The following GAD2 variants were observed in gnomAD, a reference collection of about 807,000 sequenced individuals.
GAD2 encodes 65 kDa glutamic acid decarboxylase.
Under a neutral mutation model 80.1 loss-of-function variants are expected in GAD2, and 22 were observed. That is an observed-to-expected ratio of 0.27 (90% CI 0.20 to 0.39). The LOEUF (loss-of-function observed/expected upper bound fraction) is 0.39. Ranked by LOEUF, GAD2 falls within the 10% of genes least tolerant of loss-of-function variation. The pLI is 1.00. For synonymous variants in GAD2, 274 were observed against 256.9 expected (o/e 1.07, Z -0.64); for missense variants, 624 against 738.4 (o/e 0.85, Z 1.80).
intron 15 of GAD2, among the ~76,000 whole-genome samples, chr10:26,297,908 A>C (rs895641797): frequency 1.3e-5 from 2 of 152,196 alleles, no homozygotes; most frequent in African/African-American, 2.4e-5. Flanking sequence ...ATGAGTAAAC[A>C]TATATGTAAC....
Position 26,296,060 on chromosome 10 carries a change from G to A in GAD2, c.1584+3069G>A, listed in dbSNP as rs143404379. ...TTCTCACTGTTCTAGAGGCGGGGAA[G>A]TCCAAGATCAAGGTGCCAGTAGATT... On this transcript the variant is annotated intron_variant, in intron 15 of 15. Transcript: ENST00000376261. 1.5e-3 allele frequency among the ~76,000 whole-genome samples: 225 copies of A among 152,226 alleles called. 1 individual carries two copies. Among genetic ancestry groups the A allele is most frequent in the African/African-American group, 5.3e-3 (221 of 41,532 alleles).
intron 6 of GAD2, among the ~76,000 whole-genome samples, chr10:26,228,812 C>T (rs1481502553): frequency 6.6e-6 from 1 of 152,128 alleles, no homozygotes; most frequent in Non-Finnish European, 1.5e-5. Context: ...CCCCACCAGC[C>T]CCCGACCTTC....
chr10:26,298,913 ATTC>A (rs1226071560), intron 15 of GAD2, among the ~76,000 whole-genome samples: 1 of 152,292 alleles, frequency 6.6e-6, no homozygotes, highest in African/African-American at 2.4e-5. Flanking sequence ...AGATATTTTA[ATTC>A]TTCTTCTTAT....
chr10:26,245,303 G>A (rs2132287288), intron 7 of GAD2, among the ~76,000 whole-genome samples: 1 of 152,120 alleles, frequency 6.6e-6, no homozygotes, highest in South Asian at 2.1e-4. Context: ...GTTGATAGGT[G>A]CAGCAAACCA....
At chr10:26,260,824 T>C (rs1589147058) in intron 8 of GAD2, among the ~76,000 whole-genome samples, 1 of 152,332 alleles carries the variant, frequency 6.6e-6, no homozygotes, top group East Asian at 1.9e-4. Flanking sequence ...TGTGTGTCAA[T>C]CTGATGGATG....
At position 26,286,450 on chromosome 10, in the gene GAD2, C is replaced by T. The variant is rs1263303585; in HGVS notation, c.1342C>T (p.Arg448Cys). 3 of 1,613,802 alleles carry T rather than the reference C, an allele frequency of 1.9e-6. No homozygotes were observed. The highest frequency in any genetic ancestry group is 1.7e-6 in the Non-Finnish European group (2 of 1,179,870). Reference protein sequence around the residue: ...DTGDKALQCGRHVDVFKLWLM... With the variant: ...DTGDKALQCGCHVDVFKLWLM... ...TGGAGACAAGGCCTTACAGTGCGGA[C>T]GCCACGTTGATGTTTTTAAACTATG... Residue 448 changes from arginine to cysteine, a missense_variant, in exon 13 of 16, where the codon CGC becomes TGC. Arg to Cys is a radical substitution (Grantham distance 180). Coordinates refer to ENST00000376261, the MANE Select transcript of GAD2 (RefSeq NM_001134366.2).
chr10:26,219,155 T>A lies in GAD2; in HGVS notation c.399T>A (p.Ile133=), dbSNP rs1589135723. ...GTTTCGATAGATCAACCAAAGTGAT[T>A]GATTTCCATTATCCTAATGAGCTTC... ...VKSFDRSTKV[I]DFHYPNELLQ... Residue 133 remains isoleucine, a synonymous_variant, in exon 4 of 16, where the codon ATT becomes ATA. Transcript: ENST00000376261. The A allele has an allele frequency of 6.2e-7, 1 of 1,613,924 alleles. No homozygotes were observed. Among genetic ancestry groups the A allele is most frequent in the Non-Finnish European group, 8.5e-7 (1 of 1,179,946 alleles).
chr10:26,245,522 C>T (rs1354652378), intron 7 of GAD2, among the ~76,000 whole-genome samples: 1 of 151,798 alleles, frequency 6.6e-6, no homozygotes, highest in Non-Finnish European at 1.5e-5. Flanking sequence ...ACTGCAACCT[C>T]CGCCTCCCGA....
chr10:26,296,641 GT>G (rs1214588301), intron 15 of GAD2, among the ~76,000 whole-genome samples: 1 of 152,192 alleles, frequency 6.6e-6, no homozygotes, highest in Non-Finnish European at 1.5e-5. Flanking sequence ...CTGTGCCAAT[GT>G]TTACCAAACA....
chr10:26,221,734 C>A (rs1844454623), intron 4 of GAD2, among the ~76,000 whole-genome samples: 1 of 152,210 alleles, frequency 6.6e-6, no homozygotes, highest in African/African-American at 2.4e-5. Flanking sequence ...CAGGGAGCAT[C>A]CCTGAGTCTG....
chr10:26,291,239 C>A (rs1834211180), intron 13 of GAD2, among the ~76,000 whole-genome samples: 1 of 152,236 alleles, frequency 6.6e-6, no homozygotes. Context: ...CTTCTACCTA[C>A]AGTCCATCCC....
chr10:26,274,644 A>T (rs1390471547), intron 11 of GAD2, among the ~76,000 whole-genome samples: 1 of 152,184 alleles, frequency 6.6e-6, no homozygotes, highest in Non-Finnish European at 1.5e-5. Context: ...AGAGACGCTG[A>T]TGGAGCACAG....
intron 13 of GAD2, among the ~76,000 whole-genome samples, chr10:26,291,388 C>T (rs1834212340): frequency 6.6e-6 from 1 of 152,210 alleles, no homozygotes; most frequent in Admixed American, 6.5e-5. Flanking sequence ...ATCAGGAACC[C>T]ATCAGCCTCC....
At chr10:26,220,165 G>A (rs1589136009) in intron 4 of GAD2, among the ~76,000 whole-genome samples, 1 of 152,108 alleles carries the variant, frequency 6.6e-6, no homozygotes, top group Non-Finnish European at 1.5e-5. Context: ...GATACACGAT[G>A]GCTGACACTT....
chr10:26,281,584 GTCTA>G (rs1030312152), intron 12 of GAD2, among the ~76,000 whole-genome samples: 15 of 152,124 alleles, frequency 9.9e-5, no homozygotes, highest in East Asian at 7.7e-4. Context: ...GATGATTACA[GTCTA>G]TCTATTTAAT....
intron 4 of GAD2, among the ~76,000 whole-genome samples, chr10:26,221,457 T>TA (rs1210355541): frequency 1.3e-5 from 2 of 152,182 alleles, no homozygotes; most frequent in Non-Finnish European, 2.9e-5. Context: ...TTTGCAGAGA[T>TA]CATTAGATTT....
At chr10:26,236,013 C>T (rs1346669458) in intron 7 of GAD2, among the ~76,000 whole-genome samples, 1 of 152,244 alleles carries the variant, frequency 6.6e-6, no homozygotes, top group African/African-American at 2.4e-5. Flanking sequence ...GCCTGGCCCA[C>T]ACCCACATCC....
In GAD2 at chr10:26,302,946, C is replaced by T. The variant is rs1834343182; in HGVS notation, c.*1985C>T. ...CAAAGCATTAGAAAGCAGTTCCTTTCTCAAAACTGCCTGCTGAGAATAAGC... is the reference window on the plus strand; with the variant it reads ...CAAAGCATTAGAAAGCAGTTCCTTTTTCAAAACTGCCTGCTGAGAATAAGC... On this transcript the variant is annotated 3_prime_UTR_variant, in exon 16 of 16. Transcript: ENST00000376261. 6.6e-6 allele frequency: 1 copy of T among 152,204 alleles called. No homozygotes were observed. The highest frequency in any genetic ancestry group is 1.5e-5 in the Non-Finnish European group (1 of 68,042). The allele number at this position is 152,204 out of a possible 1,614,324, so 9.4% of individuals were successfully genotyped here.
At chr10:26,257,243 G>T (rs975868544) in intron 8 of GAD2, among the ~76,000 whole-genome samples, 1 of 152,070 alleles carries the variant, frequency 6.6e-6, no homozygotes, top group East Asian at 1.9e-4. Flanking sequence ...CAGGCATGGT[G>T]GTGGGCACCT....
Sources: allele counts gnomAD v4.1 joint callset (sites outside exome capture counted in the v4.1 genomes callset), GRCh38; gene constraint gnomAD v4.1.1; transcripts MANE v1.5; gene names NCBI Gene and HGNC (gene_info 2026-07-23, HGNC 2026-07-21).